Variants in UCHL5 observed in about 807,000 individuals in gnomAD.
UCHL5 encodes ubiquitin C-terminal hydrolase L5, also known as ubiquitin carboxyl-terminal hydrolase isozyme L5.
A neutral mutation model predicts 53.8 loss-of-function variants in UCHL5; 34 were observed. That is an observed-to-expected ratio of 0.63 (90% CI 0.48 to 0.84). The LOEUF is 0.84. Among genes scored for constraint, UCHL5 ranks in the 40% least tolerant of loss-of-function variants. The pLI, the probability that UCHL5 is intolerant of heterozygous loss-of-function variation, is 0.00. For synonymous variants in UCHL5, 111 were observed against 126.3 expected, an observed-to-expected ratio of 0.88 and a Z score of 0.81; for missense variants, 290 against 385.6, an observed-to-expected ratio of 0.75 and a Z score of 2.08.
intron 3 of UCHL5, among the ~76,000 whole-genome samples, chr1:193,049,002 C>T (rs1340809794): frequency 3.9e-5 from 6 of 152,122 alleles, no homozygotes. Flanking sequence ...AGTGTTCCCA[C>T]CTCAGCCTCC....
chr1:193,031,582 G>A (rs756440473), intron 3 of UCHL5, among the ~76,000 whole-genome samples: 2 of 152,058 alleles, frequency 1.3e-5, no homozygotes, highest in Non-Finnish European at 2.9e-5. Flanking sequence ...TTTAAAATGA[G>A]TTTAGTGCCA....
intron 1 of UCHL5, among the ~76,000 whole-genome samples, chr1:193,053,152 G>A (rs994073893): frequency 2.6e-5 from 4 of 152,064 alleles, no homozygotes; most frequent in African/African-American, 9.7e-5. Context: ...TCTAGCAACA[G>A]ATTAAGAATA....
chr1:193,059,789 C>T (rs1434409667), upstream of UCHL5: 3 of 1,355,980 alleles, frequency 2.2e-6, no homozygotes, highest in African/African-American at 1.5e-5. The surrounding 1 kb of genome is among the most constrained non-coding windows in gnomAD (Gnocchi z 4.9). Flanking sequence ...GAGGACATTG[C>T]GGGAGGCCGG....
intron 10 of UCHL5, chr1:193,020,334 T>A (rs1402789440): frequency 6.5e-7 from 1 of 1,547,292 alleles, no homozygotes; most frequent in Admixed American, 2.0e-5. Context: ...AAGTTAATGG[T>A]CCAAAATTTT....
intron 8 of UCHL5, 108 bp downstream of exon 8, chr1:193,023,736 C>T: frequency 6.1e-6 from 5 of 825,620 alleles, no homozygotes; most frequent in Non-Finnish European, 9.5e-6. Context: ...AGTGTGTATT[C>T]GCTTAGCCAC....
intron 7 of UCHL5, among the ~76,000 whole-genome samples, chr1:193,025,492 A>T (rs12141392): frequency 0.76 from 115,190 of 152,162 alleles, 43,870 homozygotes; most frequent in Middle Eastern, 0.78. Context: ...AAGTAGCCTC[A>T]TCCACTTCAG....
intron 1 of UCHL5, among the ~76,000 whole-genome samples, chr1:193,056,956 A>T (rs2102937368): frequency 2.0e-5 from 3 of 152,332 alleles, no homozygotes; most frequent in Middle Eastern, 6.8e-3. Flanking sequence ...ACAGAAGATG[A>T]ATTTATATAT....
intron 3 of UCHL5, among the ~76,000 whole-genome samples, chr1:193,037,596 GAAGAAGAAGGAATGCTTTCC>G (rs1001513679): frequency 1.3e-5 from 2 of 152,004 alleles, no homozygotes; most frequent in African/African-American, 4.8e-5. Flanking sequence ...CAAAAAAATT[GAAGAAGAAGGAATGCTTTCC>G]AACCCATTCT....
At chr1:193,057,823 G>T (rs1256869839) in intron 1 of UCHL5, among the ~76,000 whole-genome samples, 1 of 152,158 alleles carries the variant, frequency 6.6e-6, no homozygotes, top group Non-Finnish European at 1.5e-5. Flanking sequence ...GCTCCTCCAT[G>T]ACCTGTGTAC....
chr1:193,020,030 T>C, intron 10 of UCHL5: 1 of 984,870 alleles, frequency 1.0e-6, no homozygotes, highest in Non-Finnish European at 1.2e-6. Context: ...CCTGTATTAA[T>C]CTAAAACTTT....
At chr1:193,053,901 A>G (rs1008334737) in intron 1 of UCHL5, among the ~76,000 whole-genome samples, 1 of 152,166 alleles carries the variant, frequency 6.6e-6, no homozygotes, top group Non-Finnish European at 1.5e-5. Flanking sequence ...ACAATCTGGT[A>G]GGAGACAAGC....
chr1:193,059,434 G>A (rs868182289), upstream of UCHL5: 9 of 1,610,640 alleles, frequency 5.6e-6, no homozygotes, highest in Non-Finnish European at 7.6e-6. The surrounding 1 kb of genome is among the most constrained non-coding windows in gnomAD (Gnocchi z 4.9). Flanking sequence ...CTGAGCGCGG[G>A]AGGACGCTCT....
chr1:193,023,082 C>A, intron 8 of UCHL5, 46 bp from the exon 9 acceptor site: 2 of 1,316,336 alleles, frequency 1.5e-6, no homozygotes, highest in Non-Finnish European at 2.2e-6. Flanking sequence ...ATAATTGAGG[C>A]TTACATTCAG....
chr1:193,037,670 A>C (rs1664003180), intron 3 of UCHL5, among the ~76,000 whole-genome samples: 1 of 152,190 alleles, frequency 6.6e-6, no homozygotes, highest in Admixed American at 6.5e-5. Flanking sequence ...GCAAGGACAC[A>C]ACAAAAAAAC....
intron 10 of UCHL5, among the ~76,000 whole-genome samples, chr1:193,019,556 G>T (rs527655094): frequency 1.3e-5 from 2 of 151,728 alleles, no homozygotes; most frequent in South Asian, 4.1e-4. Context: ...CAACTAGAAG[G>T]TCAATAACTA....
upstream of UCHL5, chr1:193,059,635 G>A: frequency 1.4e-6 from 2 of 1,398,764 alleles, no homozygotes; most frequent in South Asian, 1.1e-5. The surrounding 1 kb of genome is among the most constrained non-coding windows in gnomAD (Gnocchi z 4.9). Flanking sequence ...AACCGAACCT[G>A]GAATCCCCGG....
At chr1:193,024,630 C>T (rs1476729730) in intron 7 of UCHL5, among the ~76,000 whole-genome samples, 2 of 149,196 alleles carry the variant, frequency 1.3e-5, no homozygotes, top group Non-Finnish European at 3.0e-5. Flanking sequence ...ATAATTATAT[C>T]GTATAGTAAA....
intron 1 of UCHL5, among the ~76,000 whole-genome samples, chr1:193,057,685 T>C (rs1264452654): frequency 6.6e-6 from 1 of 152,256 alleles, no homozygotes; most frequent in African/African-American, 2.4e-5. Context: ...CCTCAGTTTA[T>C]CTTTTCAGTT....
In UCHL5 at chr1:193,012,676, C is replaced by T. The variant is rs1654333220; in HGVS notation, c.*3675G>A. The T allele has an allele frequency of 6.6e-6, 1 of 152,126 alleles. No individual in the cohort carries two copies. Among genetic ancestry groups the T allele is most frequent in the African/African-American group, 2.4e-5 (1 of 41,416 alleles). 9.4% of individuals were successfully genotyped at this position (152,126 alleles called of 1,614,324 possible). Reference sequence around the variant, plus strand: ...GATCTTCCATGACCATTCTATCAAACCTCAGCTCCTCCCACCCCTTTTCCC... The same window carrying T: ...GATCTTCCATGACCATTCTATCAAATCTCAGCTCCTCCCACCCCTTTTCCC... On this transcript the variant is annotated 3_prime_UTR_variant, in exon 11 of 11. Transcript: ENST00000367454.
Sources: gnomAD v4.1 joint callset for allele counts (sites outside exome capture counted in the v4.1 genomes callset) on GRCh38, gnomAD v4.1.1 for gene constraint, Gnocchi (gnomAD v3.1) non-coding constraint, MANE v1.5 for transcripts, NCBI Gene and HGNC (gene_info 2026-07-23, HGNC 2026-07-21) for gene names.